Variants in SPECC1 observed in about 807,000 individuals in gnomAD.
The protein encoded by SPECC1 is cytospin-B.
Under a neutral mutation model 104.1 loss-of-function variants are expected in SPECC1, and 62 were observed. That is an observed-to-expected ratio of 0.60 (90% CI 0.49 to 0.74). The LOEUF (loss-of-function observed/expected upper bound fraction) is 0.74. Among genes scored for constraint, SPECC1 ranks in the 30% least tolerant of loss-of-function variants. The pLI is 0.00. For synonymous variants in SPECC1, 513 were observed against 501.6 expected, an observed-to-expected ratio of 1.02 and a Z score of -0.30; for missense variants, 1,306 against 1,310.5, an observed-to-expected ratio of 1.00 and a Z score of 0.05.
chr17:20,079,876 G>T (rs903531163), intron 1 of SPECC1, among the ~76,000 whole-genome samples: 7 of 152,186 alleles, frequency 4.6e-5, no homozygotes, highest in Non-Finnish European at 7.4e-5. Context: ...GTGGGCAGGA[G>T]GCGCAAGGAA....
chr17:20,011,495 A>ACTTTTTTTGGTACCTTTTCT (rs1462476256), intron 1 of SPECC1, among the ~76,000 whole-genome samples: 13 of 151,826 alleles, frequency 8.6e-5, no homozygotes, highest in Non-Finnish European at 1.9e-4. Context: ...CTGATACAGT[A>ACTTTTTTTGGTACCTTTTCT]CTTTTTTTGG....
chr17:20,179,286 T>A (rs2034696697), intron 3 of SPECC1, among the ~76,000 whole-genome samples: 1 of 152,266 alleles, frequency 6.6e-6, no homozygotes, highest in Non-Finnish European at 1.5e-5. Context: ...CTGCAGGCAC[T>A]AAAGTCTACA....
chr17:20,183,325 AAT>A (rs1200452924), intron 3 of SPECC1, among the ~76,000 whole-genome samples: 1 of 152,212 alleles, frequency 6.6e-6, no homozygotes, highest in Admixed American at 6.5e-5. Context: ...TGAGATTGAA[AAT>A]ATGTTTCTCT....
intron 3 of SPECC1, among the ~76,000 whole-genome samples, chr17:20,142,434 A>G (rs1165791030): frequency 6.6e-6 from 1 of 152,212 alleles, no homozygotes; most frequent in Non-Finnish European, 1.5e-5. Context: ...CCATCAACAG[A>G]TGCGTAGATC....
intron 1 of SPECC1, among the ~76,000 whole-genome samples, chr17:20,060,184 A>G (rs1265908758): frequency 6.6e-6 from 1 of 152,082 alleles, no homozygotes; most frequent in African/African-American, 2.4e-5. Context: ...ACGCCTCTAT[A>G]GTTGTGGTCT....
At position 20,156,880 on chromosome 17, in the gene SPECC1, A is replaced by G. The variant is rs115804658; in HGVS notation, c.283+46318A>G. 4.3e-3 allele frequency among the ~76,000 whole-genome samples: 657 copies of G among 152,014 alleles called. 3 individuals are homozygous for G. Among genetic ancestry groups the G allele is most frequent in the African/African-American group, 0.014 (575 of 41,458 alleles). On this transcript the variant is annotated intron_variant, in intron 3 of 14. Transcript: ENST00000395527. ...GGGTTGCTTTTAAAAACAAAACGAA[A>G]CATTTCTGGACTGTCACGTGAAGCA...
At chr17:20,051,116 CT>C (rs1491459424) in intron 1 of SPECC1, among the ~76,000 whole-genome samples, 50 of 130,902 alleles carry the variant, frequency 3.8e-4, no homozygotes, top group African/African-American at 7.1e-4. Context: ...TTCTTTCTTT[CT>C]TTCTTTCTTT....
At chr17:20,188,136 G>A (rs1285723814) in intron 3 of SPECC1, among the ~76,000 whole-genome samples, 1 of 152,156 alleles carries the variant, frequency 6.6e-6, no homozygotes, top group Non-Finnish European at 1.5e-5. Flanking sequence ...TTTAGTAGAT[G>A]GCAACAGAAG....
chr17:20,226,911 T>G (rs931274451), intron 4 of SPECC1, among the ~76,000 whole-genome samples: 1 of 150,076 alleles, frequency 6.7e-6, no homozygotes, highest in African/African-American at 2.5e-5. Context: ...TTCAGGGTTG[T>G]TGTTCACAGC....
intron 4 of SPECC1, among the ~76,000 whole-genome samples, chr17:20,208,681 C>T (rs945741521): frequency 2.0e-5 from 3 of 152,154 alleles, no homozygotes; most frequent in African/African-American, 7.2e-5. Flanking sequence ...GTGGATGGAT[C>T]CTGGTCTCGT....
intron 13 of SPECC1, among the ~76,000 whole-genome samples, chr17:20,299,368 A>G (rs2041482750): frequency 6.8e-6 from 1 of 146,028 alleles, no homozygotes; most frequent in Non-Finnish European, 1.5e-5. Context: ...AGCCTAGGCA[A>G]CATAGGCAGA....
intron 3 of SPECC1, among the ~76,000 whole-genome samples, chr17:20,110,911 C>A (rs2152523517): frequency 6.6e-6 from 1 of 152,090 alleles, no homozygotes. Flanking sequence ...AATGAATGAA[C>A]CCTGTTGATC....
chr17:20,156,542 C>T (rs1002742093), intron 3 of SPECC1, among the ~76,000 whole-genome samples: 1 of 152,184 alleles, frequency 6.6e-6, no homozygotes, highest in Non-Finnish European at 1.5e-5. Flanking sequence ...ACCAGGTCTC[C>T]TGAGCGCGCA....
chr17:20,311,563 T>A (rs1304006149), intron 14 of SPECC1, among the ~76,000 whole-genome samples: 1 of 152,066 alleles, frequency 6.6e-6, no homozygotes, highest in Non-Finnish European at 1.5e-5. Context: ...GCTAATTTTT[T>A]TGTATTTTTA....
chr17:20,139,304 A>G (rs1055090521), intron 3 of SPECC1, among the ~76,000 whole-genome samples: 2 of 151,728 alleles, frequency 1.3e-5, no homozygotes, highest in African/African-American at 4.8e-5. Context: ...CTCCAGAAAC[A>G]CTCCTCCCAC....
At chr17:20,214,871 GAT>G (rs2037387378) in intron 4 of SPECC1, among the ~76,000 whole-genome samples, 1 of 152,232 alleles carries the variant, frequency 6.6e-6, no homozygotes, top group African/African-American at 2.4e-5. Flanking sequence ...TGACTGATTT[GAT>G]GTCAGGGACG....
chr17:20,110,745 G>C (rs1256381393), intron 3 of SPECC1, among the ~76,000 whole-genome samples, 183 bp downstream of exon 3: 2 of 152,106 alleles, frequency 1.3e-5, no homozygotes, highest in Non-Finnish European at 2.9e-5. Flanking sequence ...CTATAGAGTG[G>C]GGAGACCGAT....
intron 3 of SPECC1, among the ~76,000 whole-genome samples, chr17:20,189,529 A>C: frequency 6.6e-6 from 1 of 152,174 alleles, no homozygotes; most frequent in East Asian, 1.9e-4. Context: ...GCCGCCTGCT[A>C]GAAGCTAGTC....
At chr17:20,091,475 C>T (rs1165283875) in intron 1 of SPECC1, among the ~76,000 whole-genome samples, 1 of 152,176 alleles carries the variant, frequency 6.6e-6, no homozygotes, top group Admixed American at 6.6e-5. Context: ...TGTTGTAGGG[C>T]TCCCCTTTGG....
Sources: gnomAD v4.1 joint callset for allele counts (sites outside exome capture counted in the v4.1 genomes callset) on GRCh38, gnomAD v4.1.1 for gene constraint, MANE v1.5 for transcripts, NCBI Gene and HGNC (gene_info 2026-07-23, HGNC 2026-07-21) for gene names.